PCDH9: variants seen among roughly 807,000 people sequenced by gnomAD.
PCDH9 encodes the protein protocadherin 9.
In PCDH9, 24 loss-of-function variants were observed where a neutral mutation model predicts 70.6. That is an observed-to-expected ratio of 0.34 (90% confidence interval 0.25 to 0.48). PCDH9 has a LOEUF of 0.48. Among genes scored for constraint, PCDH9 ranks in the 20% least tolerant of loss-of-function variants. PCDH9 has a pLI of 0.99. For synonymous variants in PCDH9, 562 were observed against 558.5 expected, an observed-to-expected ratio of 1.01 and a Z score of -0.09; for missense variants, 1,281 against 1,503.6, an observed-to-expected ratio of 0.85 and a Z score of 2.45.
At chr13:66,816,458 A>C (rs1294329905) in intron 3 of PCDH9, among the ~76,000 whole-genome samples, 2 of 152,074 alleles carry the variant, frequency 1.3e-5, no homozygotes, top group Admixed American at 6.6e-5. Context: ...ACCTCCCCCC[A>C]CACACACTCA....
chr13:67,194,995 G>A (rs866140038), intron 2 of PCDH9, among the ~76,000 whole-genome samples: 1 of 152,090 alleles, frequency 6.6e-6, no homozygotes, highest in South Asian at 2.1e-4. Flanking sequence ...CGGCTTGATT[G>A]AAAATAGGAA....
At chr13:67,063,716 C>T (rs2085585225) in intron 2 of PCDH9, among the ~76,000 whole-genome samples, 1 of 152,056 alleles carries the variant, frequency 6.6e-6, no homozygotes, top group African/African-American at 2.4e-5. Context: ...TATAACAAAA[C>T]GTCTGTGAGC....
intron 3 of PCDH9, among the ~76,000 whole-genome samples, chr13:66,805,110 G>A (rs1283252140): frequency 6.6e-6 from 1 of 152,086 alleles, no homozygotes; most frequent in Non-Finnish European, 1.5e-5. Flanking sequence ...ATTTACTTAT[G>A]TTCCTTAGGA....
chr13:66,602,301 G>A (rs968377058), intron 4 of PCDH9, among the ~76,000 whole-genome samples: 9 of 146,524 alleles, frequency 6.1e-5, no homozygotes, highest in African/African-American at 2.2e-4. Flanking sequence ...GTGGCCCACA[G>A]GCTGTGGGTT....
At chr13:66,433,460 TATCTATTTCATAAACAA>T in intron 4 of PCDH9, among the ~76,000 whole-genome samples, 1 of 151,814 alleles carries the variant, frequency 6.6e-6, no homozygotes, top group East Asian at 1.9e-4. Context: ...TCAAGCTATT[TATCTATTTCATAAACAA>T]ATCTGGAGAA....
At chr13:66,695,829 T>C (rs1326144603) in intron 3 of PCDH9, among the ~76,000 whole-genome samples, 1 of 152,186 alleles carries the variant, frequency 6.6e-6, no homozygotes, top group Non-Finnish European at 1.5e-5. Context: ...AGTTTAATTA[T>C]AAGGGGATTA....
intron 4 of PCDH9, among the ~76,000 whole-genome samples, chr13:66,398,821 A>G (rs1016628351): frequency 2.6e-5 from 4 of 152,302 alleles, no homozygotes; most frequent in African/African-American, 7.2e-5. Context: ...AATATCAAAG[A>G]TGATACATTC....
chr13:66,336,933 G>A (rs1377135463), intron 4 of PCDH9, among the ~76,000 whole-genome samples: 4 of 151,920 alleles, frequency 2.6e-5, no homozygotes, highest in South Asian at 4.1e-4. Context: ...AAAAACTGAA[G>A]TTAAAAGTAA....
At chr13:67,213,321 A>G (rs2089517256) in intron 2 of PCDH9, 1 of 151,794 alleles carries the variant, frequency 6.6e-6, no homozygotes, top group East Asian at 1.9e-4. Flanking sequence ...AGCAGTATAT[A>G]ATAAATATAT....
intron 4 of PCDH9, among the ~76,000 whole-genome samples, chr13:66,506,552 A>G (rs866149339): frequency 2.6e-5 from 4 of 152,300 alleles, no homozygotes; most frequent in Middle Eastern, 6.8e-3. Context: ...TTACTCTTAA[A>G]CTCAGTAAGT....
intron 4 of PCDH9, among the ~76,000 whole-genome samples, chr13:66,495,304 C>A (rs1959096502): frequency 6.6e-6 from 1 of 152,128 alleles, no homozygotes; most frequent in Non-Finnish European, 1.5e-5. Context: ...AAAAACACTT[C>A]AGGTACATTA....
At chr13:66,884,816 A>AC (rs2081981754) in intron 3 of PCDH9, among the ~76,000 whole-genome samples, 1 of 152,118 alleles carries the variant, frequency 6.6e-6, no homozygotes, top group Non-Finnish European at 1.5e-5. Flanking sequence ...TGAAAGAGAA[A>AC]TTTTCTTTAC....
At chr13:67,129,136 G>A (rs1317438575) in intron 2 of PCDH9, among the ~76,000 whole-genome samples, 1 of 152,016 alleles carries the variant, frequency 6.6e-6, no homozygotes, top group Non-Finnish European at 1.5e-5. Flanking sequence ...GTTTTATGCT[G>A]AATATGTCTA....
intron 2 of PCDH9, among the ~76,000 whole-genome samples, chr13:67,077,114 G>C (rs1468500242): frequency 1.3e-5 from 2 of 152,066 alleles, no homozygotes; most frequent in Non-Finnish European, 2.9e-5. Flanking sequence ...GCCTTCTTCT[G>C]TTCAAAAAAT....
intron 2 of PCDH9, among the ~76,000 whole-genome samples, chr13:66,976,207 C>T (rs1421581910): frequency 6.6e-6 from 1 of 152,040 alleles, no homozygotes; most frequent in Non-Finnish European, 1.5e-5. Context: ...CATTGGCAAA[C>T]TACTTTTCAG....
intron 3 of PCDH9, among the ~76,000 whole-genome samples, chr13:66,847,344 TAA>T (rs1229174384): frequency 1.3e-5 from 2 of 152,218 alleles, no homozygotes; most frequent in Non-Finnish European, 1.5e-5. Context: ...TGTATGTATT[TAA>T]ACTGAATATC....
chr13:66,432,457 T>C (rs1239939056), intron 4 of PCDH9, among the ~76,000 whole-genome samples: 1 of 152,032 alleles, frequency 6.6e-6, no homozygotes, highest in Non-Finnish European at 1.5e-5. Flanking sequence ...GCCTTGAATA[T>C]TTCTTTTCTT....
intron 3 of PCDH9, among the ~76,000 whole-genome samples, chr13:66,835,503 G>C (rs1056291959): frequency 3.9e-5 from 6 of 152,202 alleles, no homozygotes; most frequent in African/African-American, 1.4e-4. Context: ...AAATAACACA[G>C]AATTTGTTAG....
intron 2 of PCDH9, among the ~76,000 whole-genome samples, chr13:66,965,907 T>C (rs571553410): frequency 7.2e-5 from 11 of 152,010 alleles, no homozygotes; most frequent in Non-Finnish European, 1.5e-4. Context: ...TGCAAATCAA[T>C]ACCAAGTCAT....
Sources: gnomAD v4.1 joint callset for allele counts (sites outside exome capture counted in the v4.1 genomes callset) on GRCh38, gnomAD v4.1.1 for gene constraint, MANE v1.5 for transcripts, NCBI Gene and HGNC (gene_info 2026-07-23, HGNC 2026-07-21) for gene names.